The following POLN variants were observed in gnomAD, a reference collection of about 807,000 sequenced individuals.
POLN encodes the protein DNA polymerase nu.
A neutral mutation model predicts 113.5 loss-of-function variants in POLN; 108 were observed. That is an observed-to-expected ratio of 0.95 (90% CI 0.81 to 1.12). The LOEUF is 1.12. Ranked by LOEUF, POLN falls within the 50% of genes most tolerant of loss-of-function variation. POLN has a pLI of 0.00. For missense variants in POLN, 1,097 were observed against 1,077.1 expected, an observed-to-expected ratio of 1.02 and a Z score of -0.26; for synonymous variants, 386 against 391.5, an observed-to-expected ratio of 0.99 and a Z score of 0.17.
At chr4:2,129,071 A>G in intron 18 of POLN, 108 bp downstream of exon 18, 1 of 820,386 alleles carries the variant, frequency 1.2e-6, no homozygotes, top group Non-Finnish European at 1.8e-6. Flanking sequence ...AAAAAAAAAA[A>G]AAAAAGAATT....
chr4:2,090,046 T>C, intron 20 of POLN: 1 of 892,186 alleles, frequency 1.1e-6, no homozygotes, highest in South Asian at 1.5e-5. Flanking sequence ...AACTGAAGAA[T>C]TATGAGATAA....
chr4:2,133,634 C>T (rs188968231), intron 16 of POLN, among the ~76,000 whole-genome samples: 97 of 152,272 alleles, frequency 6.4e-4, no homozygotes, highest in Non-Finnish European at 8.1e-4. Flanking sequence ...TTCACCTGTA[C>T]CCCTGTGGAA....
intron 19 of POLN, among the ~76,000 whole-genome samples, chr4:2,096,618 A>C (rs1431953157): frequency 6.6e-6 from 1 of 150,694 alleles, no homozygotes; most frequent in Non-Finnish European, 1.5e-5. Context: ...CTGCTTTTGT[A>C]AACATCCTTA....
chr4:2,156,551 G>T, intron 16 of POLN: 1 of 594,874 alleles, frequency 1.7e-6, no homozygotes, highest in Non-Finnish European at 3.1e-6. Flanking sequence ...ACACTGGAGT[G>T]CATGGGTTTC....
intron 6 of POLN, among the ~76,000 whole-genome samples, chr4:2,197,143 C>T (rs564163457): frequency 3.2e-4 from 48 of 152,248 alleles, no homozygotes; most frequent in Non-Finnish European, 6.3e-4. Context: ...GAGTGAAGCA[C>T]GAGCTGTTTG....
chr4:2,238,758 G>T (rs148548454), intron 2 of POLN: 15 of 1,613,562 alleles, frequency 9.3e-6, no homozygotes, highest in Non-Finnish European at 2.5e-6. Context: ...TATATGTCCC[G>T]ATGCTTTCTT....
intron 3 of POLN, among the ~76,000 whole-genome samples, chr4:2,216,702 G>C (rs892317131): frequency 6.6e-6 from 1 of 152,250 alleles, no homozygotes; most frequent in Non-Finnish European, 1.5e-5. Context: ...ACCCATGCCT[G>C]TAACGTGTGT....
chr4:2,231,865 T>C, intron 2 of POLN: 1 of 739,830 alleles, frequency 1.4e-6, no homozygotes, highest in South Asian at 1.7e-5. Context: ...TAGTGTTTAT[T>C]ATACACAGTC....
At chr4:2,089,092 T>C in intron 20 of POLN, 2 of 955,442 alleles carry the variant, frequency 2.1e-6, no homozygotes, top group East Asian at 2.6e-5. Context: ...ATTGGTCTAC[T>C]ATAGGCTTTG....
intron 16 of POLN, among the ~76,000 whole-genome samples, chr4:2,144,395 A>G (rs1256232437): frequency 6.6e-6 from 1 of 151,940 alleles, no homozygotes; most frequent in African/African-American, 2.4e-5. Flanking sequence ...TGCCTGCCTC[A>G]GCCTCCCCAA....
At chr4:2,165,119 C>T (rs927377469) in intron 13 of POLN, among the ~76,000 whole-genome samples, 2 of 152,262 alleles carry the variant, frequency 1.3e-5, no homozygotes, top group South Asian at 2.1e-4. Flanking sequence ...ACCTAAAAAC[C>T]TACACACAGA....
intron 4 of POLN, 38 bp from the exon 5 acceptor site, chr4:2,208,525 C>A: frequency 7.0e-7 from 1 of 1,423,200 alleles, no homozygotes. Context: ...AGAATATGGA[C>A]TCATAAGACA....
chr4:2,154,389 A>C (rs867672413), intron 16 of POLN, among the ~76,000 whole-genome samples: 4 of 152,092 alleles, frequency 2.6e-5, no homozygotes, highest in Admixed American at 6.5e-5. Context: ...AAATGGGCAA[A>C]TGACATGAAC....
chr4:2,074,948 C>T (rs774581292), intron 24 of POLN, among the ~76,000 whole-genome samples: 1 of 152,094 alleles, frequency 6.6e-6, no homozygotes, highest in Non-Finnish European at 1.5e-5. Flanking sequence ...ATCTATGGGC[C>T]GTGTAGCTCA....
intron 5 of POLN, among the ~76,000 whole-genome samples, 187 bp from the exon 6 acceptor site, chr4:2,198,904 C>T (rs1368121248): frequency 2.0e-5 from 3 of 152,016 alleles, no homozygotes; most frequent in African/African-American, 4.8e-5. Context: ...CTGGTCTCTA[C>T]CCTGTCCAAC....
intron 11 of POLN, among the ~76,000 whole-genome samples, chr4:2,173,588 C>T (rs1195152915): frequency 1.3e-5 from 2 of 152,080 alleles, no homozygotes; most frequent in African/African-American, 2.4e-5. Context: ...CTTAAGAAAA[C>T]TGAAGTAGAG....
rs536051701 is a variant in POLN at position 2,082,458 on chromosome 4, G to A, written c.2198-715C>T. Among the ~76,000 whole-genome samples, 56 of 152,318 alleles carry A rather than the reference G, an allele frequency of 3.7e-4. 1 individual carries two copies. The South Asian group carries it at 0.011, about 31-fold the overall frequency. On this transcript the variant is annotated intron_variant, in intron 21 of 25. Transcript: ENST00000511885. ...TCAGTCAGGTCCAGACCCTGGACTGGGCAGATCCAATCTTGAGTGGCCTGA... is the reference window on the plus strand; with the variant it reads ...TCAGTCAGGTCCAGACCCTGGACTGAGCAGATCCAATCTTGAGTGGCCTGA...
intron 20 of POLN, chr4:2,089,529 A>G (rs1730619603): frequency 7.1e-6 from 9 of 1,265,516 alleles, no homozygotes; most frequent in South Asian, 1.4e-5. Flanking sequence ...TATCATTTTT[A>G]AAAATGTAAT....
chr4:2,154,111 T>C (rs941322979), intron 16 of POLN, among the ~76,000 whole-genome samples: 1 of 135,586 alleles, frequency 7.4e-6, no homozygotes, highest in Admixed American at 8.8e-5. Flanking sequence ...GGCAGGAGAA[T>C]GGCATGAACC....
Sources: allele counts gnomAD v4.1 joint callset (sites outside exome capture counted in the v4.1 genomes callset), GRCh38; gene constraint gnomAD v4.1.1; transcripts MANE v1.5; gene names NCBI Gene and HGNC (gene_info 2026-07-23, HGNC 2026-07-21).